The following HDAC4 variants were observed in gnomAD, a reference collection of about 807,000 sequenced individuals.
HDAC4 encodes the protein histone deacetylase A.
Under a neutral mutation model 135.1 loss-of-function variants are expected in HDAC4, and 16 were observed. The observed-to-expected ratio is 0.12, with a 90% CI of 0.08 to 0.18. The LOEUF is 0.18. Ranked by LOEUF, HDAC4 falls within the 10% of genes least tolerant of loss-of-function variation. The pLI is 1.00. For missense variants in HDAC4, 1,143 were observed against 1,511.8 expected (o/e 0.76, Z 4.05); for synonymous variants, 685 against 653.4 (o/e 1.05, Z -0.74).
intron 12 of HDAC4, among the ~76,000 whole-genome samples, chr2:239,121,809 C>T (rs1427611021): frequency 1.3e-5 from 2 of 152,200 alleles, no homozygotes; most frequent in Non-Finnish European, 2.9e-5. Context: ...TGGGTCACCT[C>T]CCTGGGCCAT....
chr2:239,267,646 G>A (rs1160056268), intron 2 of HDAC4, among the ~76,000 whole-genome samples: 3 of 152,282 alleles, frequency 2.0e-5, no homozygotes, highest in Non-Finnish European at 2.9e-5. Flanking sequence ...AGGCAGACCT[G>A]GAGGGCTCCA....
At chr2:239,255,299 G>C (rs1020619101) in intron 2 of HDAC4, among the ~76,000 whole-genome samples, 7 of 112,204 alleles carry the variant, frequency 6.2e-5, no homozygotes, top group East Asian at 7.0e-4. Context: ...TTCTCACTGT[G>C]TGTGTGTGTG....
chr2:239,157,366 C>T (rs2042491037), intron 6 of HDAC4, among the ~76,000 whole-genome samples: 1 of 152,218 alleles, frequency 6.6e-6, no homozygotes, highest in South Asian at 2.1e-4. Flanking sequence ...GGGGGAGGAA[C>T]AGGATGGCAG....
chr2:239,318,977 G>C (rs1414496677), intron 2 of HDAC4, among the ~76,000 whole-genome samples: 2 of 152,148 alleles, frequency 1.3e-5, no homozygotes, highest in Non-Finnish European at 2.9e-5. Context: ...CAGTGGAACT[G>C]AGTGAACCAA....
At chr2:239,256,832 G>A (rs1409435026) in intron 2 of HDAC4, among the ~76,000 whole-genome samples, 2 of 152,176 alleles carry the variant, frequency 1.3e-5, no homozygotes, top group Non-Finnish European at 2.9e-5. Flanking sequence ...AAGAGTACCT[G>A]GAAACAGTTT....
At chr2:239,189,595 T>A (rs989059699) in intron 4 of HDAC4, among the ~76,000 whole-genome samples, 1 of 152,260 alleles carries the variant, frequency 6.6e-6, no homozygotes, top group Admixed American at 6.5e-5. Context: ...ATTTGGAATA[T>A]GCTTCCACTC....
At chr2:239,089,877 T>C (rs2036338003) in intron 18 of HDAC4, 132 bp downstream of exon 18, 1 of 726,120 alleles carries the variant, frequency 1.4e-6, no homozygotes, top group Non-Finnish European at 2.6e-6. Flanking sequence ...GCTGACAGAG[T>C]GGGGTCCACG....
intron 1 of HDAC4, among the ~76,000 whole-genome samples, chr2:239,359,378 A>G (rs929553964): frequency 1.3e-5 from 2 of 152,246 alleles, no homozygotes; most frequent in Non-Finnish European, 2.9e-5. Context: ...CAGCCAAGCT[A>G]ATGGGAAACA....
chr2:239,334,339 G>T (rs1324442910), intron 2 of HDAC4, among the ~76,000 whole-genome samples: 1 of 151,994 alleles, frequency 6.6e-6, no homozygotes, highest in East Asian at 1.9e-4. Context: ...GATCAACATG[G>T]TGACGCCCCG....
chr2:239,215,685 T>C (rs1575430653), intron 3 of HDAC4, among the ~76,000 whole-genome samples: 1 of 151,950 alleles, frequency 6.6e-6, no homozygotes, highest in South Asian at 2.1e-4. Context: ...AGACACCCCT[T>C]CCCCACTAAC....
intron 1 of HDAC4, among the ~76,000 whole-genome samples, chr2:239,365,809 G>T (rs182187901): frequency 1.4e-3 from 203 of 149,568 alleles, no homozygotes; most frequent in African/African-American, 4.7e-3. Flanking sequence ...AGGGTCACAC[G>T]TGTGGCACTG....
At chr2:239,317,513 G>A (rs905820969) in intron 2 of HDAC4, among the ~76,000 whole-genome samples, 2 of 152,112 alleles carry the variant, frequency 1.3e-5, no homozygotes, top group Non-Finnish European at 2.9e-5. Flanking sequence ...GTCCCAAAAC[G>A]GGAGGGACCT....
At chr2:239,123,434 T>C (rs1459119974) in intron 12 of HDAC4, among the ~76,000 whole-genome samples, 2 of 152,084 alleles carry the variant, frequency 1.3e-5, no homozygotes, top group Non-Finnish European at 2.9e-5. Context: ...TGGTGTCCAG[T>C]GGGCAGCAGG....
intron 15 of HDAC4, among the ~76,000 whole-genome samples, chr2:239,107,593 A>C (rs1317687030): frequency 3.3e-5 from 5 of 152,242 alleles, no homozygotes; most frequent in South Asian, 2.1e-4. Context: ...AGCTTTTCAA[A>C]ATCTTAAAAA....
rs1016999228 is a variant in HDAC4 at position 239,111,864 on chromosome 2, C to G, written c.1792-152G>C. 3.4e-5 allele frequency: 25 copies of G among 729,722 alleles called. No homozygotes were observed. The African/African-American group carries it at 3.5e-4, about 10-fold the overall frequency. 45.2% of individuals were successfully genotyped at this position (729,722 alleles called of 1,614,324 possible). On this transcript the variant is annotated intron_variant, in intron 13 of 26. Coordinates refer to ENST00000543185, the MANE Select transcript of HDAC4 (RefSeq NM_001378414.1). The stretch of plus-strand genomic sequence containing the variant: ...CCGGGAGGCCAGCTGCGTGGAGAGG[C>G]CTTCCCTGTGAGTGCCCTGAAGCCT...
rs1015677741 is a variant in HDAC4, at chr2:239,400,296, T to C, written c.-220+682A>G. 3 of 150,406 alleles carry C rather than the reference T, an allele frequency of 2.0e-5. No homozygotes were observed. The highest frequency in any genetic ancestry group is 3.0e-5 in the Non-Finnish European group (2 of 67,420). The allele number at this position is 150,406 out of a possible 1,614,324, so 9.3% of individuals were successfully genotyped here. A position where few individuals can be genotyped will look rare whatever the true frequency, so the allele number is the denominator to read the frequency against. On this transcript the variant is annotated intron_variant, in intron 1 of 26. Coordinates refer to ENST00000543185, the MANE Select transcript of HDAC4 (RefSeq NM_001378414.1). This position sits in a 1 kb window ranked among gnomAD's most constrained non-coding sequence, Gnocchi z 4.7. ...CGTTTTTCTGCAAACTCACAGCATTTGACAAAGTTACATAAACGGCGCCCG... is the reference window on the plus strand; with the variant it reads ...CGTTTTTCTGCAAACTCACAGCATTCGACAAAGTTACATAAACGGCGCCCG...
intron 2 of HDAC4, among the ~76,000 whole-genome samples, chr2:239,275,161 C>T (rs902387791): frequency 6.3e-5 from 8 of 126,918 alleles, no homozygotes; most frequent in African/African-American, 1.1e-4. Context: ...GGGTGGGGGC[C>T]GGCCGGAAGC....
intron 15 of HDAC4, among the ~76,000 whole-genome samples, chr2:239,107,331 G>C (rs1265075695): frequency 6.6e-6 from 1 of 152,238 alleles, no homozygotes; most frequent in Non-Finnish European, 1.5e-5. Context: ...ATCAGGAGGC[G>C]GGGCCGGGCC....
chr2:239,177,831 A>G (rs1017351435), intron 4 of HDAC4, among the ~76,000 whole-genome samples: 4 of 152,228 alleles, frequency 2.6e-5, no homozygotes, highest in African/African-American at 9.6e-5. Flanking sequence ...ATCGGGATAA[A>G]TGTTCAAGCT....
Sources: gnomAD v4.1 joint callset for allele counts (sites outside exome capture counted in the v4.1 genomes callset) on GRCh38, gnomAD v4.1.1 for gene constraint, Gnocchi (gnomAD v3.1) non-coding constraint, MANE v1.5 for transcripts, NCBI Gene and HGNC (gene_info 2026-07-23, HGNC 2026-07-21) for gene names.